The following HIVEP3 variants were observed in gnomAD, a reference collection of about 807,000 sequenced individuals.
The protein encoded by HIVEP3 is HIVEP zinc finger 3.
HIVEP3 carries 49 observed loss-of-function variants against 152.8 expected under a neutral mutation model. The ratio of observed to expected loss-of-function variants is 0.32; its 90% CI spans 0.26 to 0.41. The LOEUF (loss-of-function observed/expected upper bound fraction) is 0.41, where lower values mean the gene tolerates loss of function less well. Among genes scored for constraint, HIVEP3 ranks in the 10% least tolerant of loss-of-function variants. HIVEP3 has a pLI of 1.00. For missense variants in HIVEP3, 2,790 were observed against 3,103.3 expected (o/e 0.90, Z 2.40); for synonymous variants, 1,269 against 1,289.0 (o/e 0.98, Z 0.33).
At position 41,907,332 on chromosome 1, in the gene HIVEP3, A is replaced by G. The variant is rs544218337; in HGVS notation, c.-801+11081T>C. Among the ~76,000 whole-genome samples, 4 of 152,310 alleles carry G rather than the reference A, an allele frequency of 2.6e-5. No homozygotes were observed. In the South Asian group the frequency reaches 8.3e-4, roughly 32 times the overall value. On this transcript the variant is annotated intron_variant, in intron 1 of 8. Coordinates refer to ENST00000372583, the MANE Select transcript of HIVEP3 (RefSeq NM_024503.5). ...AGAGAAAAGGAGGTAGAGAGGACAG[A>G]GGAAGCCAATGCCCTACTACTCTGC...
At chr1:41,538,159 C>G (rs550012169) in intron 5 of HIVEP3, among the ~76,000 whole-genome samples, 3 of 152,144 alleles carry the variant, frequency 2.0e-5, no homozygotes. Context: ...ACACCTTTGT[C>G]TGAGACTTTT....
intron 5 of HIVEP3, among the ~76,000 whole-genome samples, chr1:41,548,305 G>C (rs1009817424): frequency 6.6e-6 from 1 of 152,138 alleles, no homozygotes; most frequent in African/African-American, 2.4e-5. Flanking sequence ...AGATGAGAAA[G>C]GGATTCACAG....
chr1:41,878,771 CCT>C (rs1435776290), intron 1 of HIVEP3, among the ~76,000 whole-genome samples: 1 of 145,222 alleles, frequency 6.9e-6, no homozygotes, highest in Admixed American at 6.8e-5. Context: ...CCTCCTCCTC[CCT>C]CTCTTCCTAA....
At chr1:41,837,648 C>A (rs750325479) in intron 1 of HIVEP3, among the ~76,000 whole-genome samples, 2 of 152,306 alleles carry the variant, frequency 1.3e-5, no homozygotes, top group African/African-American at 4.8e-5. Flanking sequence ...TTCTTCATAA[C>A]CCCTGTTAGC....
chr1:41,602,641 C>G (rs966108600), intron 3 of HIVEP3, among the ~76,000 whole-genome samples: 1 of 151,862 alleles, frequency 6.6e-6, no homozygotes, highest in African/African-American at 2.4e-5. Flanking sequence ...TCTAGCATAG[C>G]TAATGATTTG....
rs746020400 is a variant in HIVEP3 at position 41,580,781 on chromosome 1, G to A, written c.4017C>T (p.Ser1339=). 2 of 1,578,040 alleles carry A rather than the reference G, an allele frequency of 1.3e-6. No homozygotes were observed. The highest frequency in any genetic ancestry group is 4.5e-5 in the East Asian group (2 of 44,646). Residue 1339 remains serine (S), a synonymous_variant, in exon 4 of 9, where the codon TCC becomes TCT. Transcript: ENST00000372583. ...CTTGGGACTGGGTGACCAAGATCTG[G>A]GAAAGGGTGGTGTACATTGCGCTCC... ...SYGSAMYTTL[S]QILVTQSQGS... is the part of the protein sequence containing the mutation.
In HIVEP3 at chr1:41,581,637, G is replaced by T; in HGVS notation, c.3161C>A (p.Pro1054His). The T allele has an allele frequency of 6.2e-7, 1 of 1,614,178 alleles. No individual in the cohort carries two copies. The highest frequency in any genetic ancestry group is 1.1e-5 in the South Asian group (1 of 91,082). ...GGCAACCTCCAACTCAGATTCTGGA[G>T]GCCTGCTCAGAGAGGCCTGTCTCAC... ...FLVRQASLSR[P>H]PESELEVAPK... The change falls in exon 4 of 9, where the codon CCT becomes CAT. Residue 1054 changes from proline (P) to histidine (H), a missense_variant. This residue lies in a region of HIVEP3 where 1,078 missense variants were observed against 1,165.3 expected (regional missense o/e 0.93). Coordinates refer to ENST00000372583, the MANE Select transcript of HIVEP3 (RefSeq NM_024503.5). The surrounding 1 kb of genome is among the most constrained non-coding windows in gnomAD (Gnocchi z 4.5).
intron 1 of HIVEP3, among the ~76,000 whole-genome samples, chr1:41,934,398 G>A (rs988798500): frequency 8.5e-5 from 13 of 152,056 alleles, no homozygotes; most frequent in African/African-American, 2.7e-4. Flanking sequence ...TCTCTTCCTC[G>A]ATTTTGGGCC....
At chr1:42,023,423 T>C (rs1242948698) in intron 1 of HIVEP3, among the ~76,000 whole-genome samples, 2 of 152,208 alleles carry the variant, frequency 1.3e-5, no homozygotes, top group African/African-American at 2.4e-5. Flanking sequence ...TTTGCTTTCA[T>C]ATTTAACTTT....
chr1:41,710,144 A>G (rs1646491407), intron 1 of HIVEP3, among the ~76,000 whole-genome samples: 1 of 152,112 alleles, frequency 6.6e-6, no homozygotes, highest in Non-Finnish European at 1.5e-5. Flanking sequence ...TGCATCAGCC[A>G]GGGGATTTGT....
chr1:42,025,528 C>T (rs1645576959), intron 1 of HIVEP3, among the ~76,000 whole-genome samples: 1 of 152,116 alleles, frequency 6.6e-6, no homozygotes, highest in African/African-American at 2.4e-5. Flanking sequence ...CTATTCATTG[C>T]TTCTGTTGTT....
At chr1:41,667,443 G>A (rs2124061966) in intron 2 of HIVEP3, among the ~76,000 whole-genome samples, 1 of 152,358 alleles carries the variant, frequency 6.6e-6, no homozygotes, top group Admixed American at 6.5e-5. Flanking sequence ...ACTCCCACAG[G>A]GCTCAGCAGG....
At chr1:41,844,972 AG>A (rs1643395186) in intron 1 of HIVEP3, among the ~76,000 whole-genome samples, 1 of 152,210 alleles carries the variant, frequency 6.6e-6, no homozygotes, top group South Asian at 2.1e-4. Context: ...GGAGGCCTTC[AG>A]GGCTCAAGCT....
intron 1 of HIVEP3, chr1:41,847,417 C>T (rs1002813593): frequency 9.2e-5 from 14 of 152,176 alleles, no homozygotes; most frequent in African/African-American, 3.1e-4. Flanking sequence ...GATATTGTGA[C>T]ACTACACTTA....
At position 41,524,853 on chromosome 1, in the gene HIVEP3, A is replaced by G; in HGVS notation, c.5265T>C (p.Val1755=). The change falls in exon 6 of 9, where the codon GTT becomes GTC. Residue 1755 remains valine, a synonymous_variant. Transcript: ENST00000372583. ...TGCAGCGAATTCCACACTCCTCACAAACATATTTCCCTCGGCCGCGGCCTC... is the reference window on the plus strand; with the variant it reads ...TGCAGCGAATTCCACACTCCTCACAGACATATTTCCCTCGGCCGCGGCCTC... The part of the protein sequence containing the change: ...YVRGRGRGKY[V]CEECGIRCKK... 1 of 1,614,194 alleles carries G rather than the reference A, an allele frequency of 6.2e-7. No individual in the cohort carries two copies. The highest frequency in any genetic ancestry group is 1.1e-5 in the South Asian group (1 of 91,084).
At chr1:41,534,582 A>G (rs1643351210) in intron 5 of HIVEP3, among the ~76,000 whole-genome samples, 1 of 152,160 alleles carries the variant, frequency 6.6e-6, no homozygotes, top group Non-Finnish European at 1.5e-5. Flanking sequence ...CCTTTTCACA[A>G]GCACAGCCCC....
intron 1 of HIVEP3, among the ~76,000 whole-genome samples, chr1:41,978,525 C>G (rs1439135427): frequency 3.3e-5 from 5 of 152,168 alleles, no homozygotes; most frequent in Admixed American, 2.0e-4. Flanking sequence ...CAGGAGAAAC[C>G]AACTTGTAAC....
intron 2 of HIVEP3, among the ~76,000 whole-genome samples, chr1:41,676,914 C>T (rs1207043161): frequency 1.3e-5 from 2 of 152,224 alleles, no homozygotes; most frequent in African/African-American, 4.8e-5. Context: ...TCTGGAGTCA[C>T]CAGCTGGGAT....
At chr1:41,888,010 C>G (rs1356596963) in intron 1 of HIVEP3, among the ~76,000 whole-genome samples, 1 of 151,456 alleles carries the variant, frequency 6.6e-6, no homozygotes, top group Non-Finnish European at 1.5e-5. Context: ...ACCCCCACCC[C>G]AGGCTCTACT....
Sources: allele counts gnomAD v4.1 joint callset (sites outside exome capture counted in the v4.1 genomes callset), GRCh38; gene constraint gnomAD v4.1.1; regional missense constraint gnomAD v4.1.1; non-coding constraint Gnocchi (gnomAD v3.1); transcripts MANE v1.5; gene names NCBI Gene and HGNC (gene_info 2026-07-23, HGNC 2026-07-21).